The following KRT72 variants were observed in gnomAD, a reference collection of about 807,000 sequenced individuals.
KRT72 encodes the protein keratin 72.
In KRT72, 44 loss-of-function variants were observed where a neutral mutation model predicts 44.7. That is an observed-to-expected ratio of 0.98 (90% CI 0.77 to 1.27). KRT72 has a LOEUF of 1.27. Ranked by LOEUF, KRT72 falls within the 50% of genes most tolerant of loss-of-function variation. KRT72 has a pLI of 0.00. For synonymous variants in KRT72, 302 were observed against 280.4 expected (o/e 1.08, Z -0.77); for missense variants, 736 against 667.1 (o/e 1.10, Z -1.14).
upstream of KRT72, among the ~76,000 whole-genome samples, chr12:52,602,266 G>A (rs924519625): frequency 2.0e-5 from 3 of 152,156 alleles, no homozygotes; most frequent in Non-Finnish European, 4.4e-5. Context: ...TTTCATTTTT[G>A]TTTTCTTTTA....
At chr12:52,586,664 C>G (rs1466421057) in intron 8 of KRT72, among the ~76,000 whole-genome samples, 1 of 152,216 alleles carries the variant, frequency 6.6e-6, no homozygotes, top group Admixed American at 6.5e-5. Context: ...GAGGCCTTTG[C>G]TTTGGTCAAC....
At chr12:52,592,364 G>T in intron 4 of KRT72, 32 bp downstream of exon 4, 1 of 1,447,268 alleles carries the variant, frequency 6.9e-7, no homozygotes, top group Non-Finnish European at 9.7e-7. Context: ...TAAAGGAGCA[G>T]ATCTCACAAG....
At chr12:52,602,535 G>A (rs1473574530), upstream of KRT72, among the ~76,000 whole-genome samples, 1 of 152,134 alleles carries the variant, frequency 6.6e-6, no homozygotes, top group Admixed American at 6.5e-5. Context: ...CAGCTCTCCT[G>A]TTCCTCTGGC....
chr12:52,589,441 G>C (rs1486842153), intron 6 of KRT72, among the ~76,000 whole-genome samples: 1 of 152,204 alleles, frequency 6.6e-6, no homozygotes, highest in African/African-American at 2.4e-5. Context: ...CACACACACT[G>C]TCACCTGAAC....
At chr12:52,596,144 T>C (rs568112404) in intron 2 of KRT72, among the ~76,000 whole-genome samples, 2 of 152,134 alleles carry the variant, frequency 1.3e-5, no homozygotes, top group Non-Finnish European at 2.9e-5. Flanking sequence ...GTGTCAATCA[T>C]GCAGCATGTT....
chr12:52,587,364 C>A (rs367885057), intron 7 of KRT72, among the ~76,000 whole-genome samples: 3 of 152,152 alleles, frequency 2.0e-5, no homozygotes, highest in Non-Finnish European at 4.4e-5. Context: ...CTCCTCCCCC[C>A]ACCCACAAAA....
intron 2 of KRT72, among the ~76,000 whole-genome samples, chr12:52,598,563 C>T (rs1940297425): frequency 6.6e-6 from 1 of 152,098 alleles, no homozygotes; most frequent in East Asian, 1.9e-4. Flanking sequence ...TTAAAATTTG[C>T]CCTGGAATTG....
In KRT72 at chr12:52,585,926, G is replaced by T; in HGVS notation, c.*56C>A. The T allele has an allele frequency of 6.7e-7, 1 of 1,482,066 alleles. No individual in the cohort carries two copies. The highest frequency in any genetic ancestry group is 1.2e-5 in the South Asian group (1 of 81,800). The allele number at this position is 1,482,066 out of a possible 1,614,324, so 91.8% of individuals were successfully genotyped here. A position where few individuals can be genotyped will look rare whatever the true frequency, so the allele number is the denominator to read the frequency against. On this transcript the variant is annotated 3_prime_UTR_variant, in exon 9 of 9. Transcript: ENST00000293745. ...TGGAAAGGGAGCCCAGGGAAGGAGAGGGAGGAGACGGGTGAGTTGGGAAGC... is the reference window on the plus strand; with the variant it reads ...TGGAAAGGGAGCCCAGGGAAGGAGATGGAGGAGACGGGTGAGTTGGGAAGC...
intron 2 of KRT72, among the ~76,000 whole-genome samples, chr12:52,596,802 C>T (rs1253470296): frequency 6.6e-6 from 1 of 152,162 alleles, no homozygotes; most frequent in African/African-American, 2.4e-5. Flanking sequence ...CCACGTGCCT[C>T]AGCCTCCCGA....
At chr12:52,601,633 G>A (rs1940468987), upstream of KRT72, 1 of 614,050 alleles carries the variant, frequency 1.6e-6, no homozygotes, top group African/African-American at 1.9e-5. Flanking sequence ...AAATTACCAT[G>A]CACTCACCGA....
chr12:52,593,143 T>C (rs618502), intron 2 of KRT72, among the ~76,000 whole-genome samples, 191 bp from the exon 3 acceptor site: 6,012 of 152,294 alleles, frequency 0.039, 153 homozygotes, highest in African/African-American at 0.072. Flanking sequence ...TCCAGCTCCT[T>C]TGTGCCTGTG....
upstream of KRT72, among the ~76,000 whole-genome samples, chr12:52,602,471 C>T (rs879565281): frequency 2.0e-5 from 3 of 152,160 alleles, no homozygotes; most frequent in East Asian, 1.9e-4. Context: ...CCACCTAACC[C>T]GATTTCCTTT....
At position 52,590,930 on chromosome 12, in the gene KRT72, T is replaced by C; in HGVS notation, c.995A>G (p.His332Arg). ...CTTGGTGAGCTTGAGGTCATCCCCA[T>C]GCTGGCCTGCTGTGACCTGCAGCTC... The part of the protein sequence containing the change: ...IQELQVTAGQ[H>R]GDDLKLTKAE... Residue 332 changes from histidine (H) to arginine (R), a missense_variant, in exon 6 of 9, where the codon CAT (histidine) becomes CGT (arginine). His to Arg is a conservative substitution (Grantham distance 29, BLOSUM62 0). Transcript: ENST00000293745. The C allele has an allele frequency of 1.2e-6, 2 of 1,604,004 alleles. No individual in the cohort carries two copies. Among genetic ancestry groups the C allele is most frequent in the Non-Finnish European group, 1.7e-6 (2 of 1,172,900 alleles).
At chr12:52,600,911 G>A (rs1236177634) in intron 1 of KRT72, 116 bp downstream of exon 1, 2 of 1,076,632 alleles carry the variant, frequency 1.9e-6, no homozygotes, top group Admixed American at 4.9e-5. Flanking sequence ...AATGGAAAAG[G>A]GAGGCTCGGA....
Position 52,591,462 on chromosome 12 carries a change from A to G in KRT72, c.963+2T>C, listed in dbSNP as rs764399532. 1.1e-5 allele frequency: 18 copies of G among 1,612,630 alleles called. No individual in the cohort carries two copies. In the African/African-American group the frequency reaches 2.3e-4, roughly 20 times the overall value. On this transcript the variant is annotated splice_donor_variant, in intron 5 of 8. Transcript: ENST00000293745. LOFTEE classifies it high-confidence loss of function. ...GACTCAGCACACCTGGCACCAGCTC[A>G]CCTTGGTCTGGTACAGGGTCTCAGC...
rs1427354088 is a variant in KRT72 at position 52,601,328 on chromosome 12, G to T, written c.125C>A (p.Ala42Asp). ...ASFRARVKGS[A>D]SFGSKSLSCL... ...GGAGAGGCTCTTGCTGCCAAAGGAG[G>T]CCGAGCCCTTGACCCGGGCCCGGAA... The change falls in exon 1 of 9, where the codon GCC becomes GAC. Residue 42 changes from alanine (A) to aspartate (D), a missense_variant. Physicochemically the swap from Ala to Asp is moderately radical, Grantham distance 126. Coordinates refer to ENST00000293745, the MANE Select transcript of KRT72 (RefSeq NM_080747.3). 5 of 1,545,476 alleles carry T rather than the reference G, an allele frequency of 3.2e-6. No homozygotes were observed. Among genetic ancestry groups the T allele is most frequent in the Admixed American group, 3.9e-5 (2 of 50,974 alleles).
upstream of KRT72, chr12:52,601,698 A>T: frequency 3.8e-6 from 2 of 528,766 alleles, no homozygotes; most frequent in Non-Finnish European, 6.6e-6. Context: ...AGTGACCCAG[A>T]ACCCAGCATT....
intron 5 of KRT72, among the ~76,000 whole-genome samples, chr12:52,591,222 G>A (rs977672137): frequency 6.6e-6 from 1 of 152,274 alleles, no homozygotes; most frequent in South Asian, 2.1e-4. Flanking sequence ...CTCAGCCAAG[G>A]GCCGTGATAG....
intron 2 of KRT72, among the ~76,000 whole-genome samples, chr12:52,594,995 T>A (rs1940186712): frequency 2.0e-5 from 3 of 152,234 alleles, no homozygotes. Flanking sequence ...TTATTTTATA[T>A]TATCTTACAA....
Sources: allele counts gnomAD v4.1 joint callset (sites outside exome capture counted in the v4.1 genomes callset), GRCh38; gene constraint gnomAD v4.1.1; transcripts MANE v1.5; gene names NCBI Gene and HGNC (gene_info 2026-07-23, HGNC 2026-07-21).